The following CNTNAP5 variants were observed in gnomAD, a reference collection of about 807,000 sequenced individuals.
CNTNAP5 encodes the protein contactin associated protein family member 5.
Under a neutral mutation model 150.2 loss-of-function variants are expected in CNTNAP5, and 72 were observed. The ratio of observed to expected loss-of-function variants is 0.48; its 90% CI spans 0.40 to 0.58. The LOEUF is 0.58. Ranked by LOEUF, CNTNAP5 falls within the 20% of genes least tolerant of loss-of-function variation. CNTNAP5 has a pLI of 0.00. For missense variants in CNTNAP5, 1,636 were observed against 1,626.2 expected, an observed-to-expected ratio of 1.01 and a Z score of -0.10; for synonymous variants, 672 against 619.8, an observed-to-expected ratio of 1.08 and a Z score of -1.25.
intron 5 of CNTNAP5, among the ~76,000 whole-genome samples, chr2:124,446,430 T>C (rs1271132717): frequency 6.6e-6 from 1 of 152,170 alleles, no homozygotes; most frequent in Non-Finnish European, 1.5e-5. Context: ...TCAAAGAATA[T>C]GCATTCTTTC....
chr2:124,619,185 A>G (rs1008827248), intron 12 of CNTNAP5, among the ~76,000 whole-genome samples: 1 of 152,158 alleles, frequency 6.6e-6, no homozygotes, highest in Non-Finnish European at 1.5e-5. Flanking sequence ...CCTTTGCTGC[A>G]CCAATCTAAT....
chr2:124,585,700 G>A (rs553764803), intron 11 of CNTNAP5, among the ~76,000 whole-genome samples: 1 of 104,706 alleles, frequency 9.6e-6, no homozygotes, highest in Non-Finnish European at 1.8e-5. Context: ...TTTTGAGTTA[G>A]CATGTGGAAG....
chr2:124,828,185 A>C (rs985868065), intron 19 of CNTNAP5, among the ~76,000 whole-genome samples: 1 of 152,122 alleles, frequency 6.6e-6, no homozygotes, highest in Non-Finnish European at 1.5e-5. Context: ...CTTGTTATTT[A>C]AAAAATATGG....
chr2:124,210,161 T>C (rs945584028), intron 1 of CNTNAP5, among the ~76,000 whole-genome samples: 20 of 152,224 alleles, frequency 1.3e-4, no homozygotes, highest in African/African-American at 4.8e-5. Context: ...CTTTGGGTAA[T>C]TAAAAACCAT....
At chr2:124,476,905 C>T (rs1693652861) in intron 7 of CNTNAP5, among the ~76,000 whole-genome samples, 1 of 152,114 alleles carries the variant, frequency 6.6e-6, no homozygotes, top group Non-Finnish European at 1.5e-5. Flanking sequence ...ATTTTATCTG[C>T]ACCAGTTGGT....
chr2:124,325,645 A>C (rs1689197970), intron 3 of CNTNAP5, among the ~76,000 whole-genome samples: 1 of 152,176 alleles, frequency 6.6e-6, no homozygotes, highest in South Asian at 2.1e-4. Flanking sequence ...AATTTAAGAC[A>C]TTGATCAAGT....
In CNTNAP5 at chr2:124,670,133, T is replaced by TTTCCTTCCTTCCTTCCTTCC. The variant is rs796656346; in HGVS notation, c.2077+22201_2077+22220dup. On this transcript the variant is annotated intron_variant, in intron 13 of 23. Coordinates refer to ENST00000682447, the MANE Select transcript of CNTNAP5 (RefSeq NM_001367498.1). ...GCCTTCCTTTCCTTTTCCTTCCTTC[T>TTTCCTTCCTTCCTTCCTTCC]TTCCTTCCTTCCTTCCTTCCTTCCT... Among the ~76,000 whole-genome samples, 319 of 112,584 alleles carry TTTCCTTCCTTCCTTCCTTCC rather than the reference T, an allele frequency of 2.8e-3. 5 individuals are homozygous for TTTCCTTCCTTCCTTCCTTCC. Among genetic ancestry groups the TTTCCTTCCTTCCTTCCTTCC allele is most frequent in the South Asian group, 6.6e-3 (17 of 2,586 alleles). The allele number at this position is 112,584 out of a possible 152,430, so 73.9% of individuals were successfully genotyped here.
At chr2:124,853,883 C>T (rs538654987) in intron 19 of CNTNAP5, among the ~76,000 whole-genome samples, 45 of 152,176 alleles carry the variant, frequency 3.0e-4, no homozygotes, top group Non-Finnish European at 4.9e-4. Context: ...CATTTAGCTC[C>T]TACTTACAAG....
In CNTNAP5 at chr2:124,159,882, G is replaced by T. The variant is rs934140711; in HGVS notation, c.83-61823G>T. Among the ~76,000 whole-genome samples, 4 of 152,086 alleles carry T rather than the reference G, an allele frequency of 2.6e-5. No individual in the cohort carries two copies. The East Asian group carries it at 7.7e-4, about 29-fold the overall frequency. On this transcript the variant is annotated intron_variant, in intron 1 of 23. Coordinates refer to ENST00000682447, the MANE Select transcript of CNTNAP5 (RefSeq NM_001367498.1). ...CATCCAAGTTTTAAAGGACTCGAGG[G>T]ATAAATGCATTTGAAGAAGGAGAAT...
At chr2:124,418,208 A>G (rs922270591) in intron 4 of CNTNAP5, among the ~76,000 whole-genome samples, 2 of 152,192 alleles carry the variant, frequency 1.3e-5, no homozygotes, top group African/African-American at 4.8e-5. Flanking sequence ...TGCGCGCTTT[A>G]TACTGAAACC....
chr2:124,875,695 AG>A (rs1188303055), intron 21 of CNTNAP5, among the ~76,000 whole-genome samples: 4 of 99,642 alleles, frequency 4.0e-5, no homozygotes, highest in African/African-American at 1.1e-4. Flanking sequence ...GAGAACCATG[AG>A]GGTTTTTTTT....
intron 19 of CNTNAP5, among the ~76,000 whole-genome samples, chr2:124,855,474 C>T (rs1365172090): frequency 6.6e-6 from 1 of 151,950 alleles, no homozygotes; most frequent in Non-Finnish European, 1.5e-5. Context: ...TGCCCAGCCA[C>T]CTCGGAGTTT....
At chr2:124,458,314 TATAA>T (rs1333507147) in intron 6 of CNTNAP5, among the ~76,000 whole-genome samples, 689 of 59,390 alleles carry the variant, frequency 0.012, 5 homozygotes, top group African/African-American at 0.038. Flanking sequence ...TATATATATA[TATAA>T]AATGGAATAC....
At chr2:124,521,385 TAAA>T (rs1694842846) in intron 8 of CNTNAP5, among the ~76,000 whole-genome samples, 1 of 151,664 alleles carries the variant, frequency 6.6e-6, no homozygotes, top group South Asian at 2.1e-4. Flanking sequence ...GACCAAAAAA[TAAA>T]AAGAAAAAAA....
intron 8 of CNTNAP5, among the ~76,000 whole-genome samples, chr2:124,523,938 A>G (rs1447232901): frequency 6.6e-6 from 1 of 150,992 alleles, no homozygotes; most frequent in Non-Finnish European, 1.5e-5. Context: ...AATTGCTGGT[A>G]ATATTTTGAG....
At chr2:124,681,879 G>T (rs1393409208) in intron 13 of CNTNAP5, among the ~76,000 whole-genome samples, 1 of 152,000 alleles carries the variant, frequency 6.6e-6, no homozygotes, top group Non-Finnish European at 1.5e-5. Flanking sequence ...TTGTTTTTTA[G>T]TTCTTGTTTT....
chr2:124,757,712 A>G (rs1272164528), intron 14 of CNTNAP5, among the ~76,000 whole-genome samples: 1 of 152,166 alleles, frequency 6.6e-6, no homozygotes, highest in South Asian at 2.1e-4. Context: ...GTGAAACTCT[A>G]CTTCAATGCT....
intron 1 of CNTNAP5, among the ~76,000 whole-genome samples, chr2:124,184,596 G>A (rs1253584904): frequency 1.3e-5 from 2 of 152,132 alleles, no homozygotes; most frequent in Non-Finnish European, 2.9e-5. Context: ...GGAGAAGAAA[G>A]GACAAGGCAG....
At chr2:124,315,675 C>A (rs1260378763) in intron 3 of CNTNAP5, among the ~76,000 whole-genome samples, 2 of 152,012 alleles carry the variant, frequency 1.3e-5, no homozygotes, top group African/African-American at 4.8e-5. Flanking sequence ...CTACAGCAAG[C>A]CTGACAGGTG....
Sources: allele counts gnomAD v4.1 joint callset (sites outside exome capture counted in the v4.1 genomes callset), GRCh38; gene constraint gnomAD v4.1.1; transcripts MANE v1.5; gene names NCBI Gene and HGNC (gene_info 2026-07-23, HGNC 2026-07-21).